Variants in CHD8 observed in about 807,000 individuals in gnomAD.
CHD8 encodes chromodomain helicase DNA binding protein 8.
In CHD8, 31 loss-of-function variants were observed where a neutral mutation model predicts 279.2. The observed-to-expected ratio is 0.11, with a 90% CI of 0.08 to 0.15. CHD8 has a LOEUF of 0.15. CHD8 is among the 10% of genes least tolerant of loss of function. CHD8 has a pLI of 1.00. For synonymous variants in CHD8, 1,081 were observed against 1,139.6 expected (o/e 0.95, Z 1.04); for missense variants, 2,146 against 3,230.5 (o/e 0.66, Z 8.14).
intron 5 of CHD8, among the ~76,000 whole-genome samples, chr14:21,416,822 T>C (rs1390419228): frequency 6.6e-6 from 1 of 150,554 alleles, no homozygotes; most frequent in East Asian, 2.0e-4. Context: ...CAAAACTAAA[T>C]TGGCTGGGAG....
chr14:21,415,380 G>A, intron 7 of CHD8, 194 bp downstream of exon 7: 2 of 338,414 alleles, frequency 5.9e-6, no homozygotes, highest in Non-Finnish European at 5.1e-6. Flanking sequence ...CACAATGGTA[G>A]TCCCAGATAC....
chr14:21,454,467 G>A (rs1027118194), intron 1 of CHD8, among the ~76,000 whole-genome samples: 3 of 152,080 alleles, frequency 2.0e-5, no homozygotes, highest in Admixed American at 2.0e-4. Flanking sequence ...ACAGGCACGC[G>A]TCACCATGCC....
At chr14:21,435,859 C>T (rs1251067481) in intron 1 of CHD8, among the ~76,000 whole-genome samples, 1 of 152,180 alleles carries the variant, frequency 6.6e-6, no homozygotes, top group Non-Finnish European at 1.5e-5. Flanking sequence ...AAGAAACATT[C>T]CTGGCTTGGC....
intron 13 of CHD8, 147 bp from the exon 14 acceptor site, chr14:21,407,179 A>G: frequency 1.6e-6 from 1 of 630,322 alleles, no homozygotes; most frequent in South Asian, 2.0e-5. Flanking sequence ...ATCTTCCTGA[A>G]AAATAGTGCC....
At position 21,386,240 on chromosome 14, in the gene CHD8, C is replaced by T. The variant is rs141744282; in HGVS notation, c.7183-64G>A. ...GGGGAAAAAAGAAAAGAAACCAAAG[C>T]CAACAGAGTCCTAGCTTACAATGCT... On this transcript the variant is annotated intron_variant, in intron 37 of 37. Coordinates refer to ENST00000646647, the MANE Select transcript of CHD8 (RefSeq NM_001170629.2). 732 of 1,422,100 alleles carry T rather than the reference C, an allele frequency of 5.1e-4. 2 individuals carry two copies. The African/African-American group carries it at 9.6e-3, about 19-fold the overall frequency. The allele number at this position is 1,422,100 out of a possible 1,614,324, so 88.1% of individuals were successfully genotyped here.
At chr14:21,443,162 C>T (rs1244918070) in intron 1 of CHD8, among the ~76,000 whole-genome samples, 11 of 149,376 alleles carry the variant, frequency 7.4e-5, no homozygotes, top group Middle Eastern at 3.6e-3. Context: ...GAGGCCGAGG[C>T]GGGAGGATCA....
chr14:21,435,787 G>A (rs1889757354), intron 1 of CHD8, among the ~76,000 whole-genome samples: 1 of 152,132 alleles, frequency 6.6e-6, no homozygotes, highest in African/African-American at 2.4e-5. Flanking sequence ...TATTAACACT[G>A]GACAAAGCCT....
chr14:21,392,420 T>G, intron 34 of CHD8, 87 bp downstream of exon 34: 30 of 1,269,796 alleles, frequency 2.4e-5, no homozygotes, highest in Non-Finnish European at 3.1e-5. Context: ...GCTAACCAAA[T>G]GAGTTTAGTA....
chr14:21,436,882 G>A (rs755699353), intron 1 of CHD8: 52 of 1,143,316 alleles, frequency 4.5e-5, no homozygotes, highest in Non-Finnish European at 5.6e-5. Context: ...TGGGGGTGGG[G>A]GGGACCCGGG....
Position 21,408,232 on chromosome 14 carries a change from A to C in CHD8, c.2730+80T>G. 2.5e-4 allele frequency: 338 copies of C among 1,357,490 alleles called. No homozygotes were observed. Among genetic ancestry groups the C allele is most frequent in the Non-Finnish European group, 3.2e-4 (311 of 982,598 alleles). 84.1% of individuals were successfully genotyped at this position (1,357,490 alleles called of 1,614,324 possible). A position where few individuals can be genotyped will look rare whatever the true frequency, so the allele number is the denominator to read the frequency against. ...TGAAGACTTTCAATAAAAGTCTTCT[A>C]TTCATATATAGCCCTTAAAATACCA... On this transcript the variant is annotated intron_variant, in intron 13 of 37. Coordinates refer to ENST00000646647, the MANE Select transcript of CHD8 (RefSeq NM_001170629.2). The surrounding 1 kb of genome is among the most constrained non-coding windows in gnomAD (Gnocchi z 4.3).
At chr14:21,434,535 A>AT (rs1889699590) in intron 1 of CHD8, among the ~76,000 whole-genome samples, 1 of 151,300 alleles carries the variant, frequency 6.6e-6, no homozygotes, top group Non-Finnish European at 1.5e-5. Context: ...ATGGTTTCTG[A>AT]TGAATCTCCT....
Position 21,385,636 on chromosome 14 carries a change from A to C in CHD8, c.7723T>G (p.Ser2575Ala). The change falls in exon 38 of 38, where the codon TCC becomes GCC. Residue 2575 changes from serine to alanine, a missense_variant. This residue lies in a region of CHD8 where 336 missense variants were observed against 392.9 expected (regional missense o/e 0.86). Transcript: ENST00000646647. ...CTTCAGTCATCAGCATCTTCACTGGAGTCTGAGTTAGCTGGCATCATAGGA... is the reference window on the plus strand; with the variant it reads ...CTTCAGTCATCAGCATCTTCACTGGCGTCTGAGTTAGCTGGCATCATAGGA... The part of the protein sequence containing the change: ...DDPMMPANSD[S>A]SEDADD 2 of 1,551,754 alleles carry C rather than the reference A, an allele frequency of 1.3e-6. No homozygotes were observed. The highest frequency in any genetic ancestry group is 1.7e-6 in the Non-Finnish European group (2 of 1,146,934).
intron 5 of CHD8, among the ~76,000 whole-genome samples, chr14:21,420,642 G>A (rs112263371): frequency 2.6e-5 from 4 of 152,182 alleles, no homozygotes; most frequent in African/African-American, 9.6e-5. Flanking sequence ...GAGAAGAGTA[G>A]GTATGGAATA....
Position 21,430,880 on chromosome 14 carries a change from C to T in CHD8, c.764G>A (p.Gly255Asp), listed in dbSNP as rs1889536188. Residue 255 changes from glycine (G) to aspartate (D), a missense_variant, in exon 2 of 38, where the codon GGT becomes GAT. This residue lies in a region of CHD8 where 302 missense variants were observed against 325.5 expected (regional missense o/e 0.93). Transcript: ENST00000646647. ...CCCAGGGTTTCCAGCAGGAGCTGAA[C>T]CCTTAACTGGCTGGAGGACCAGCTG... The part of the protein sequence containing the change: ...VKQLVLQPVK[G>D]SAPAGNPGAT... 3 of 1,599,420 alleles carry T rather than the reference C, an allele frequency of 1.9e-6. No individual in the cohort carries two copies. The highest frequency in any genetic ancestry group is 2.5e-6 in the Non-Finnish European group (3 of 1,179,744).
At chr14:21,386,608 C>T (rs924251745) in intron 37 of CHD8, among the ~76,000 whole-genome samples, 6 of 151,888 alleles carry the variant, frequency 4.0e-5, no homozygotes, top group East Asian at 1.9e-4. Context: ...GAGGCCGAGG[C>T]GGGGGAATCA....
intron 1 of CHD8, among the ~76,000 whole-genome samples, chr14:21,443,163 G>A (rs547452457): frequency 2.0e-5 from 3 of 152,126 alleles, no homozygotes; most frequent in East Asian, 1.9e-4. Flanking sequence ...AGGCCGAGGC[G>A]GGAGGATCAC....
Position 21,393,687 on chromosome 14 carries a change from T to C in CHD8, c.6108A>G (p.Pro2036=). The change falls in exon 32 of 38, where the codon CCA becomes CCG. Residue 2036 remains proline (P), a synonymous_variant. Transcript: ENST00000646647. ...CTCGCATCTCATAGTCTTGTGGGGT[T>C]GGTCGGCTCCTGGCCACCACCTCGT... ...LEHEVVARSR[P]TPQDYEMRVS... The C allele has an allele frequency of 6.2e-7, 1 of 1,613,976 alleles. No homozygotes were observed. Among genetic ancestry groups the C allele is most frequent in the South Asian group, 1.1e-5 (1 of 91,080 alleles).
Position 21,405,136 on chromosome 14 carries a change from C to A in CHD8, c.3307+73G>T. ...TTGGTTGAGTCAATGCATCCATTGTCCCCAAGGAGAATCATCCGGAAAGTA... is the reference window on the plus strand; with the variant it reads ...TTGGTTGAGTCAATGCATCCATTGTACCCAAGGAGAATCATCCGGAAAGTA... On this transcript the variant is annotated intron_variant, in intron 16 of 37. Coordinates refer to ENST00000646647, the MANE Select transcript of CHD8 (RefSeq NM_001170629.2). This position sits in a 1 kb window ranked among gnomAD's most constrained non-coding sequence, Gnocchi z 4.2. 1.3e-6 allele frequency: 2 copies of A among 1,494,004 alleles called. No individual in the cohort carries two copies. Among genetic ancestry groups the A allele is most frequent in the Non-Finnish European group, 1.8e-6 (2 of 1,087,506 alleles). The allele number at this position is 1,494,004 out of a possible 1,614,324, so 92.5% of individuals were successfully genotyped here. A position where few individuals can be genotyped will look rare whatever the true frequency, so the allele number is the denominator to read the frequency against.
chr14:21,396,033 G>A, intron 27 of CHD8, 141 bp from the exon 28 acceptor site: 1 of 654,410 alleles, frequency 1.5e-6, no homozygotes, highest in East Asian at 2.7e-5. Flanking sequence ...GTCTCACTCT[G>A]TCGCCCAGGC....
Sources: gnomAD v4.1 joint callset for allele counts (sites outside exome capture counted in the v4.1 genomes callset) on GRCh38, gnomAD v4.1.1 for gene constraint, gnomAD v4.1.1 regional missense constraint, Gnocchi (gnomAD v3.1) non-coding constraint, MANE v1.5 for transcripts, NCBI Gene and HGNC (gene_info 2026-07-23, HGNC 2026-07-21) for gene names.